MCCC2: variants seen among roughly 807,000 people sequenced by gnomAD.
MCCC2 encodes the protein methylcrotonoyl-CoA carboxylase beta chain, mitochondrial.
In MCCC2, 52 loss-of-function variants were observed where a neutral mutation model predicts 77.2. The observed-to-expected ratio is 0.67, with a 90% confidence interval of 0.54 to 0.85. The LOEUF is 0.85. Ranked by LOEUF, MCCC2 falls within the 40% of genes least tolerant of loss-of-function variation. The pLI, the probability that MCCC2 is intolerant of heterozygous loss-of-function variation, is 0.00. For missense variants in MCCC2, 682 were observed against 703.2 expected (o/e 0.97, Z 0.34); for synonymous variants, 253 against 248.4 (o/e 1.02, Z -0.18).
rs398124371 is a variant in MCCC2 at position 71,587,541 on chromosome 5, C to T, written c.116C>T (p.Ser39Phe). The T allele has an allele frequency of 7.8e-6, 12 of 1,537,718 alleles. No homozygotes were observed. The highest frequency in any genetic ancestry group is 1.4e-5 in the African/African-American group (1 of 73,216). Residue 39 changes from serine (S) to phenylalanine (F), a missense_variant, in exon 1 of 17, where the codon TCT becomes TTT. Physicochemically the swap from Ser to Phe is radical, Grantham distance 155 (BLOSUM62 -2). Transcript: ENST00000340941. ...CTGGGCACCCAGCCGGACTTGGGCTCTGCCCTCTACCAGGTAGGCTGAGCG... is the reference window on the plus strand; with the variant it reads ...CTGGGCACCCAGCCGGACTTGGGCTTTGCCCTCTACCAGGTAGGCTGAGCG... ...ASLGTQPDLGSALYQENYKQM... is the reference protein window; with the variant it reads ...ASLGTQPDLGFALYQENYKQM...
intron 14 of MCCC2, 93 bp downstream of exon 14, chr5:71,649,346 G>T: frequency 8.3e-7 from 1 of 1,211,292 alleles, no homozygotes; most frequent in Non-Finnish European, 1.2e-6. Flanking sequence ...AATATAGAAT[G>T]CCATTCCCAG....
At chr5:71,605,326 T>C (rs1745626874) in intron 6 of MCCC2, among the ~76,000 whole-genome samples, 1 of 151,344 alleles carries the variant, frequency 6.6e-6, no homozygotes, top group South Asian at 2.1e-4. Context: ...ATTTCTCTGA[T>C]GGCCAGTGAT....
intron 16 of MCCC2, among the ~76,000 whole-genome samples, chr5:71,655,937 G>A (rs983300097): frequency 6.6e-6 from 1 of 152,102 alleles, no homozygotes; most frequent in African/African-American, 2.4e-5. Flanking sequence ...GAAGCTGGCC[G>A]GGTGTGGTGG....
rs1580284168 is a variant in MCCC2 at position 71,604,629 on chromosome 5, G to A, written c.624+161G>A. 2.0e-5 allele frequency among the ~76,000 whole-genome samples: 3 copies of A among 147,090 alleles called. No individual in the cohort carries two copies. The East Asian group carries it at 6.0e-4, about 29-fold the overall frequency. Reference sequence around the variant, plus strand: ...AGGTTTTAGGGTACATGTGCACATTGTGCAGGTTAGTTACATACGTACACA... The same window carrying A: ...AGGTTTTAGGGTACATGTGCACATTATGCAGGTTAGTTACATACGTACACA... On this transcript the variant is annotated intron_variant, in intron 6 of 16. Transcript: ENST00000340941.
chr5:71,604,394 G>A lies in MCCC2; in HGVS notation c.550G>A (p.Val184Met). The A allele has an allele frequency of 1.2e-6, 2 of 1,614,136 alleles. No individual in the cohort carries two copies. The highest frequency in any genetic ancestry group is 1.7e-6 in the Non-Finnish European group (2 of 1,180,032). ...AGCATACTTACCTCGACAAGCAGATGTGTTTCCAGATCGAGACCACTTTGG... is the reference window on the plus strand; with the variant it reads ...AGCATACTTACCTCGACAAGCAGATATGTTTCCAGATCGAGACCACTTTGG... Reference protein sequence around the residue: ...GGAYLPRQADVFPDRDHFGRT... With the variant: ...GGAYLPRQADMFPDRDHFGRT... Residue 184 changes from valine to methionine, a missense_variant, in exon 6 of 17, where the codon GTG becomes ATG. Transcript: ENST00000340941.
At position 71,641,055 on chromosome 5, in the gene MCCC2, A is replaced by T; in HGVS notation, c.1052A>T (p.Tyr351Phe). 1 of 1,614,018 alleles carries T rather than the reference A, an allele frequency of 6.2e-7. No individual in the cohort carries two copies. Residue 351 changes from tyrosine (Y) to phenylalanine (F), a missense_variant, in exon 11 of 17, where the codon TAT (tyrosine) becomes TTT (phenylalanine). Transcript: ENST00000340941. ...GSRFTEFKAF[Y>F]GDTLVTGFAR... ...AGATTCACTGAGTTCAAAGCCTTTTATGGAGACACATTAGTTACAGGTATA... is the reference window on the plus strand; with the variant it reads ...AGATTCACTGAGTTCAAAGCCTTTTTTGGAGACACATTAGTTACAGGTATA...
In MCCC2 at chr5:71,643,835, T is replaced by TG; in HGVS notation, c.1092dup (p.Tyr365ValfsTer15). The TG allele has an allele frequency of 6.2e-7, 1 of 1,614,184 alleles. No individual in the cohort carries two copies. Reference sequence around the variant, plus strand: ...TCTTTTGAGGATTTGCTCGAATATTTGGGTACCCAGTAGGTATCGTTGGAA... The same window carrying TG: ...TCTTTTGAGGATTTGCTCGAATATTTGGGGTACCCAGTAGGTATCGTTGGAA... On this transcript the variant is annotated frameshift_variant, in exon 12 of 17. Coordinates refer to ENST00000340941, the MANE Select transcript of MCCC2 (RefSeq NM_022132.5). LOFTEE classifies it high-confidence loss of function.
chr5:71,632,013 T>C (rs952302023), intron 7 of MCCC2, 108 bp from the exon 8 acceptor site: 3 of 958,792 alleles, frequency 3.1e-6, no homozygotes, highest in Non-Finnish European at 5.1e-6. Flanking sequence ...TTTAGTTCTA[T>C]GGAAGAAAAA....
In MCCC2 at chr5:71,626,680, A is replaced by G. The variant is rs753735697; in HGVS notation, c.665A>G (p.Tyr222Cys). ...VMGSCTAGGA[Y>C]VPAMADENII... Reference sequence around the variant, plus strand: ...GGCTCCTGCACCGCAGGAGGAGCCTATGTGCCTGCCATGGCTGATGAAAAC... The same window carrying G: ...GGCTCCTGCACCGCAGGAGGAGCCTGTGTGCCTGCCATGGCTGATGAAAAC... The change falls in exon 7 of 17, where the codon TAT becomes TGT. Residue 222 changes from tyrosine (Y) to cysteine (C), a missense_variant. Tyr to Cys is a radical substitution (Grantham distance 194, BLOSUM62 -2). Coordinates refer to ENST00000340941, the MANE Select transcript of MCCC2 (RefSeq NM_022132.5). 6.2e-7 allele frequency: 1 copy of G among 1,614,138 alleles called. No individual in the cohort carries two copies. The highest frequency in any genetic ancestry group is 1.1e-5 in the South Asian group (1 of 91,080).
Position 71,589,566 on chromosome 5 carries a change from A to C in MCCC2, c.129+2012A>C, listed in dbSNP as rs111914449. Among the ~76,000 whole-genome samples the C allele has an allele frequency of 2.1e-3, 318 of 152,384 alleles. 1 individual carries two copies. The highest frequency in any genetic ancestry group is 6.5e-3 in the African/African-American group (272 of 41,592). On this transcript the variant is annotated intron_variant, in intron 1 of 16. Transcript: ENST00000340941. ...AATTGGATTTAAAATCCTTGCTGGC[A>C]TGTGATGAAATTAATGTGTGCTCAC...
rs746451536 is a variant in MCCC2 at position 71,635,198 on chromosome 5, G to A, written c.951G>A (p.Leu317=). The change falls in exon 10 of 17, where the codon TTG becomes TTA. Residue 317 remains leucine (L), a synonymous_variant. Coordinates refer to ENST00000340941, the MANE Select transcript of MCCC2 (RefSeq NM_022132.5). ...SEEPLFPADE[L]YGIVGANLKR... is the part of the protein sequence containing the mutation. ...AGCCTTTATTTCCTGCTGATGAATT[G>A]TATGGAATAGTTGGTGCTAACCTTA... 9.9e-6 allele frequency: 16 copies of A among 1,614,156 alleles called. No homozygotes were observed. The highest frequency in any genetic ancestry group is 1.4e-5 in the Non-Finnish European group (16 of 1,180,006).
In MCCC2 at chr5:71,617,034, A is replaced by G. The variant is rs532627679; in HGVS notation, c.625-9606A>G. On this transcript the variant is annotated intron_variant, in intron 6 of 16. Coordinates refer to ENST00000340941, the MANE Select transcript of MCCC2 (RefSeq NM_022132.5). ...TTCTTTATGTGGCCCTCCTGTTACT[A>G]TTTGCTACAAAACAAAGCTCATACT... is the stretch of plus-strand genomic sequence containing the variant. Among the ~76,000 whole-genome samples the G allele has an allele frequency of 5.9e-5, 8 of 134,596 alleles. No homozygotes were observed. In the East Asian group the frequency reaches 2.1e-3, roughly 36 times the overall value. The allele number at this position is 134,596 out of a possible 152,430, so 88.3% of individuals were successfully genotyped here.
chr5:71,653,651 A>G (rs534843337), intron 16 of MCCC2, among the ~76,000 whole-genome samples: 1 of 151,974 alleles, frequency 6.6e-6, no homozygotes, highest in Non-Finnish European at 1.5e-5. Flanking sequence ...GGAGTTCGAA[A>G]CTAGCGGGGC....
chr5:71,604,582 C>CA, intron 6 of MCCC2, 114 bp downstream of exon 6: 11 of 666,016 alleles, frequency 1.7e-5, no homozygotes, highest in Non-Finnish European at 2.5e-5. Flanking sequence ...AAAATCTAAT[C>CA]TTTTTTTTTT....
chr5:71,649,021 G>A, intron 13 of MCCC2, 76 bp from the exon 14 acceptor site: 2 of 1,529,960 alleles, frequency 1.3e-6, no homozygotes, highest in East Asian at 4.5e-5. Flanking sequence ...AGTAAAACAA[G>A]ATGTCCTTTT....
chr5:71,641,157 A>G, intron 11 of MCCC2, 82 bp downstream of exon 11: 8 of 1,258,602 alleles, frequency 6.4e-6, no homozygotes, highest in Non-Finnish European at 9.3e-6. Context: ...ACTTTGATAC[A>G]CTTGACATGG....
At position 71,599,656 on chromosome 5, in the gene MCCC2, T is replaced by C. The variant is rs1207579158; in HGVS notation, c.282-3T>C. ...TTCAAACAACATCCTTTCTTCGCTT[T>C]AGGTCTCCATTTCTGGAATTATCCC... On this transcript the variant is annotated splice_polypyrimidine_tract_variant and splice_region_variant and intron_variant, in intron 3 of 16. Transcript: ENST00000340941. 1.2e-6 allele frequency: 2 copies of C among 1,611,042 alleles called. No individual in the cohort carries two copies. Among genetic ancestry groups the C allele is most frequent in the East Asian group, 2.2e-5 (1 of 44,874 alleles).
At chr5:71,596,150 T>C (rs1745178085) in intron 2 of MCCC2, 130 bp from the exon 3 acceptor site, 2 of 825,858 alleles carry the variant, frequency 2.4e-6, no homozygotes, top group Non-Finnish European at 4.1e-6. Flanking sequence ...GAATGATTAT[T>C]AGCCTTTTCT....
chr5:71,640,613 T>C (rs1282928507), intron 10 of MCCC2, among the ~76,000 whole-genome samples: 1 of 152,110 alleles, frequency 6.6e-6, no homozygotes, highest in Non-Finnish European at 1.5e-5. Context: ...GGCATACCAG[T>C]CATACTTGAT....
Sources: gnomAD v4.1 joint callset for allele counts (sites outside exome capture counted in the v4.1 genomes callset) on GRCh38, gnomAD v4.1.1 for gene constraint, MANE v1.5 for transcripts, NCBI Gene and HGNC (gene_info 2026-07-23, HGNC 2026-07-21) for gene names.